Variants in ANKRD33B observed in about 807,000 individuals in gnomAD.
ANKRD33B encodes ankyrin repeat domain 33B.
In ANKRD33B, 6 loss-of-function variants were observed where a neutral mutation model predicts 21.5. That is an observed-to-expected ratio of 0.28 (90% CI 0.15 to 0.55). The LOEUF (loss-of-function observed/expected upper bound fraction) is 0.55, where lower values mean the gene tolerates loss of function less well. Among genes scored for constraint, ANKRD33B ranks in the 20% least tolerant of loss-of-function variants. The pLI is 0.94. For synonymous variants in ANKRD33B, 347 were observed against 342.4 expected (o/e 1.01, Z -0.15); for missense variants, 698 against 747.2 (o/e 0.93, Z 0.77).
chr5:10,592,776 C>T (rs189111231), intron 1 of ANKRD33B, among the ~76,000 whole-genome samples: 33 of 152,282 alleles, frequency 2.2e-4, no homozygotes, highest in Middle Eastern at 3.4e-3. Flanking sequence ...CAGTCCCCTC[C>T]CTGCCAGTTG....
At chr5:10,573,154 A>G (rs968264586) in intron 1 of ANKRD33B, among the ~76,000 whole-genome samples, 1 of 152,200 alleles carries the variant, frequency 6.6e-6, no homozygotes, top group South Asian at 2.1e-4. Context: ...TGTCCTTTAA[A>G]TTCAGGGACA....
intron 1 of ANKRD33B, among the ~76,000 whole-genome samples, chr5:10,611,263 A>T (rs1201270607): frequency 3.9e-5 from 6 of 152,226 alleles, no homozygotes; most frequent in Non-Finnish European, 7.3e-5. Flanking sequence ...ACCTTTGTTA[A>T]TGTTACCAAT....
At position 10,579,860 on chromosome 5, in the gene ANKRD33B, C is replaced by T. The variant is rs79678358; in HGVS notation, c.366+15027C>T. Among the ~76,000 whole-genome samples the T allele has an allele frequency of 2.8e-4, 43 of 152,220 alleles. No individual in the cohort carries two copies. The East Asian group carries it at 7.9e-3, about 28-fold the overall frequency. On this transcript the variant is annotated intron_variant, in intron 1 of 3. Coordinates refer to ENST00000296657, the MANE Select transcript of ANKRD33B (RefSeq NM_001164440.2). ...GAATTCACATACCATACAATTTAAC[C>T]GTTTAATGTCTACCGTGGTTTTTAT...
chr5:10,644,867 AG>A (rs150500455), intron 3 of ANKRD33B, among the ~76,000 whole-genome samples: 1,846 of 152,330 alleles, frequency 0.012, 46 homozygotes, highest in African/African-American at 0.042. Flanking sequence ...TGGTGGCCCC[AG>A]GAAGTGGAGT....
intron 2 of ANKRD33B, among the ~76,000 whole-genome samples, chr5:10,622,201 G>T (rs1736435969): frequency 6.6e-6 from 1 of 152,196 alleles, no homozygotes; most frequent in African/African-American, 2.4e-5. Context: ...GAGTTGTGGA[G>T]CAGCCTAGGA....
At chr5:10,610,405 C>G (rs1453436271) in intron 1 of ANKRD33B, among the ~76,000 whole-genome samples, 1 of 151,816 alleles carries the variant, frequency 6.6e-6, no homozygotes, top group Non-Finnish European at 1.5e-5. Context: ...GGGACAGCCC[C>G]CCCCCCGAAT....
chr5:10,584,892 T>C (rs1344545298), intron 1 of ANKRD33B, among the ~76,000 whole-genome samples: 3 of 152,132 alleles, frequency 2.0e-5, no homozygotes, highest in Non-Finnish European at 4.4e-5. Flanking sequence ...TCCGTCCTCG[T>C]TGAGGAAGGA....
rs752021723 is a variant in ANKRD33B at position 10,649,470 on chromosome 5, A to G, written c.842A>G (p.Gln281Arg). 42 of 1,535,072 alleles carry G rather than the reference A, an allele frequency of 2.7e-5. No homozygotes were observed. In the South Asian group the frequency reaches 4.9e-4, roughly 18 times the overall value. The stretch of plus-strand genomic sequence containing the variant: ...CCCGCGGGCTCCAAGAACTGCCTGC[A>G]GAGGCTCACAGACTGCGTGCTGTCC... ...RKPAGSKNCLQRLTDCVLSVL... is the reference protein window; with the variant it reads ...RKPAGSKNCLRRLTDCVLSVL... The change falls in exon 4 of 4, where the codon CAG (glutamine) becomes CGG (arginine). Residue 281 changes from glutamine (Q) to arginine (R), a missense_variant. By Grantham distance (43) the Gln-to-Arg change is conservative (BLOSUM62 1). Around this residue, in one of 3 missense-constraint regions of ANKRD33B, gnomAD observed 543 missense variants for 566.5 expected, o/e 0.96. Transcript: ENST00000296657.
chr5:10,595,761 C>T (rs1335122366), intron 1 of ANKRD33B, among the ~76,000 whole-genome samples: 1 of 152,190 alleles, frequency 6.6e-6, no homozygotes, highest in Admixed American at 6.5e-5. Context: ...CTCATCCCTG[C>T]ACTCCAACCC....
At chr5:10,596,366 G>A (rs1049454133) in intron 1 of ANKRD33B, among the ~76,000 whole-genome samples, 2 of 152,150 alleles carry the variant, frequency 1.3e-5, no homozygotes, top group African/African-American at 4.8e-5. Context: ...CCCCAACTGT[G>A]TGTCCATGTG....
chr5:10,616,624 A>G (rs1216050038), intron 1 of ANKRD33B, among the ~76,000 whole-genome samples: 1 of 151,278 alleles, frequency 6.6e-6, no homozygotes. Context: ...GTTGCTCTCA[A>G]TATAAACTTT....
intron 2 of ANKRD33B, among the ~76,000 whole-genome samples, chr5:10,634,457 A>ATTT (rs34515233): frequency 0.023 from 3,233 of 141,648 alleles, 169 homozygotes; most frequent in African/African-American, 0.056. Context: ...CTCAAACTAG[A>ATTT]TTTTTTTCTT....
At chr5:10,625,903 C>G (rs1034484711) in intron 2 of ANKRD33B, among the ~76,000 whole-genome samples, 2 of 152,020 alleles carry the variant, frequency 1.3e-5, no homozygotes, top group Admixed American at 1.3e-4. Context: ...GAGGGCTGAA[C>G]AGAGGAGTTG....
rs140130606 is a variant in ANKRD33B, at chr5:10,657,816, A to G, written c.*7703A>G. Reference sequence around the variant, plus strand: ...AATAAAAAATCACTTGTTAAAACGCATTCTTATGGTACAAATGTGTGATAT... The same window carrying G: ...AATAAAAAATCACTTGTTAAAACGCGTTCTTATGGTACAAATGTGTGATAT... On this transcript the variant is annotated 3_prime_UTR_variant, in exon 4 of 4. Coordinates refer to ENST00000296657, the MANE Select transcript of ANKRD33B (RefSeq NM_001164440.2). 4.6e-4 allele frequency: 70 copies of G among 152,520 alleles called. 1 individual carries two copies. The highest frequency in any genetic ancestry group is 1.6e-3 in the African/African-American group (67 of 41,594). The allele number at this position is 152,520 out of a possible 1,614,324, so 9.4% of individuals were successfully genotyped here.
chr5:10,650,087 A>G lies in ANKRD33B; in HGVS notation c.1459A>G (p.Thr487Ala), dbSNP rs1303763221. 10 of 1,527,388 alleles carry G rather than the reference A, an allele frequency of 6.5e-6. No individual in the cohort carries two copies. Among genetic ancestry groups the G allele is most frequent in the Non-Finnish European group, 8.8e-7 (1 of 1,141,922 alleles). The allele number at this position is 1,527,388 out of a possible 1,614,324, so 94.6% of individuals were successfully genotyped here. ...GGCCGAGGCGCAGAAGGAGAGGCGC[A>G]CTGCGCCCTGGAAGAAGAGGACGTG... ...RQAEAQKERR[T>A]APWKKRT Residue 487 changes from threonine (T) to alanine (A), a missense_variant, in exon 4 of 4, where the codon ACT becomes GCT. Thr to Ala is a moderately conservative substitution (Grantham distance 58). Transcript: ENST00000296657.
chr5:10,623,709 C>G (rs1056689987), intron 2 of ANKRD33B, among the ~76,000 whole-genome samples: 27 of 152,218 alleles, frequency 1.8e-4, no homozygotes, highest in African/African-American at 6.3e-4. Flanking sequence ...TGCTGCCAGA[C>G]AGAGCTGGAG....
intron 1 of ANKRD33B, among the ~76,000 whole-genome samples, chr5:10,584,762 G>A (rs1435421859): frequency 6.6e-6 from 1 of 152,168 alleles, no homozygotes; most frequent in African/African-American, 2.4e-5. Context: ...GATTTTGGGG[G>A]TGAGAAACAA....
chr5:10,649,286 G>A lies in ANKRD33B; in HGVS notation c.658G>A (p.Asp220Asn). The change falls in exon 4 of 4, where the codon GAC (aspartate) becomes AAC (asparagine). Residue 220 changes from aspartate to asparagine, a missense_variant. Transcript: ENST00000296657. ...TGCAGGGGCGGATGTCCACGCGAGG[G>A]ACCCCCGCCGTGGGATGTCGCCGCA... ...MLAGADVHAR[D>N]PRRGMSPQEW... 4 of 1,526,340 alleles carry A rather than the reference G, an allele frequency of 2.6e-6. No homozygotes were observed. The highest frequency in any genetic ancestry group is 2.6e-6 in the Non-Finnish European group (3 of 1,140,534). 94.5% of individuals were successfully genotyped at this position (1,526,340 alleles called of 1,614,324 possible). A position where few individuals can be genotyped will look rare whatever the true frequency, so the allele number is the denominator to read the frequency against.
chr5:10,564,668 C>G lies in ANKRD33B; in HGVS notation c.201C>G (p.His67Gln). 2.0e-6 allele frequency: 3 copies of G among 1,534,838 alleles called. No individual in the cohort carries two copies. The South Asian group carries it at 3.6e-5, about 18-fold the overall frequency. Residue 67 changes from histidine to glutamine, a missense_variant, in exon 1 of 4, where the codon CAC becomes CAG. Around this residue, in one of 3 missense-constraint regions of ANKRD33B, gnomAD observed 148 missense variants for 154.9 expected, o/e 0.96. Transcript: ENST00000296657. ...SFYPFEDEEE[H>Q]GVESAESVPE... Reference sequence around the variant, plus strand: ...ACCCTTTCGAGGACGAGGAGGAGCACGGCGTCGAGAGCGCGGAGAGCGTCC... The same window carrying G: ...ACCCTTTCGAGGACGAGGAGGAGCAGGGCGTCGAGAGCGCGGAGAGCGTCC...
Sources: allele counts gnomAD v4.1 joint callset (sites outside exome capture counted in the v4.1 genomes callset), GRCh38; gene constraint gnomAD v4.1.1; regional missense constraint gnomAD v4.1.1; transcripts MANE v1.5; gene names NCBI Gene and HGNC (gene_info 2026-07-23, HGNC 2026-07-21).